Variants in PPP1R18 observed in about 807,000 individuals in gnomAD.
The protein encoded by PPP1R18 is protein phosphatase 1 regulatory subunit 18, also known as phostensin.
Under a neutral mutation model 54.8 loss-of-function variants are expected in PPP1R18, and 31 were observed. The ratio of observed to expected loss-of-function variants is 0.57; its 90% confidence interval spans 0.43 to 0.76. The LOEUF is 0.76. PPP1R18 is among the 30% of genes least tolerant of loss of function. PPP1R18 has a pLI of 0.00. For missense variants in PPP1R18, 685 were observed against 776.1 expected, an observed-to-expected ratio of 0.88 and a Z score of 1.39; for synonymous variants, 310 against 320.2, an observed-to-expected ratio of 0.97 and a Z score of 0.34.
intron 1 of PPP1R18, among the ~76,000 whole-genome samples, chr6:30,682,079 A>T (rs941509584): frequency 6.6e-6 from 1 of 152,172 alleles, no homozygotes; most frequent in South Asian, 2.1e-4. Flanking sequence ...TTTTGGAATA[A>T]TAACCTCTGT....
Position 30,686,477 on chromosome 6 carries a change from A to T in PPP1R18, c.-459T>A. The T allele has an allele frequency of 5.9e-6, 1 of 169,024 alleles. No homozygotes were observed. Among genetic ancestry groups the T allele is most frequent in the Non-Finnish European group, 1.3e-5 (1 of 79,178 alleles). 10.5% of individuals were successfully genotyped at this position (169,024 alleles called of 1,614,324 possible). On this transcript the variant is annotated 5_prime_UTR_variant, in exon 1 of 3. Coordinates refer to ENST00000274853, the MANE Select transcript of PPP1R18 (RefSeq NM_133471.4). ...GCCTCAGCGATACCCCAGGGAGGCT[A>T]GTGTGGGAAGGAAGGACCAGGAATC...
At chr6:30,679,056 G>A in intron 2 of PPP1R18, 123 bp downstream of exon 2, 1 of 685,882 alleles carries the variant, frequency 1.5e-6, no homozygotes. Flanking sequence ...GGAGCATGTT[G>A]AACCAGAGGA....
Position 30,684,605 on chromosome 6 carries a change from A to G in PPP1R18, c.1414T>C (p.Phe472Leu). The G allele has an allele frequency of 6.3e-7, 1 of 1,585,120 alleles. No homozygotes were observed. Among genetic ancestry groups the G allele is most frequent in the East Asian group, 2.3e-5 (1 of 44,278 alleles). The change falls in exon 1 of 3, where the codon TTC becomes CTC. Residue 472 changes from phenylalanine to leucine, a missense_variant. Transcript: ENST00000274853. This position sits in a 1 kb window ranked among gnomAD's most constrained non-coding sequence, Gnocchi z 6.0. ...VGAPRRSGHT[F>L]TVNPRRSVPP... ...ACAGACCGCCGGGGGTTGACGGTGA[A>G]GGTGTGTCCACTGCGGCGGGGGGCC... is the stretch of plus-strand genomic sequence containing the variant.
At chr6:30,678,208 G>C (rs1034001119) in intron 2 of PPP1R18, among the ~76,000 whole-genome samples, 1 of 150,710 alleles carries the variant, frequency 6.6e-6, no homozygotes, top group Non-Finnish European at 1.5e-5. Context: ...ACCGTGCCTG[G>C]CCTGTTTGTT....
chr6:30,679,118 G>A, intron 2 of PPP1R18, 61 bp downstream of exon 2: 1 of 1,460,828 alleles, frequency 6.8e-7, no homozygotes, highest in Non-Finnish European at 9.4e-7. Flanking sequence ...CCTCTCTCCT[G>A]GACCACAGCG....
At chr6:30,678,035 C>T (rs150423802) in intron 2 of PPP1R18, among the ~76,000 whole-genome samples, 1 of 151,692 alleles carries the variant, frequency 6.6e-6, no homozygotes, top group Admixed American at 6.6e-5. Flanking sequence ...CTCAGACTCC[C>T]GAGTAGCAGG....
rs1393158564 is a variant in PPP1R18 at position 30,676,622 on chromosome 6, T to C, written c.*647A>G. 6.2e-6 allele frequency: 1 copy of C among 161,182 alleles called. No individual in the cohort carries two copies. Among genetic ancestry groups the C allele is most frequent in the Non-Finnish European group, 1.3e-5 (1 of 74,126 alleles). 10.0% of individuals were successfully genotyped at this position (161,182 alleles called of 1,614,324 possible). A position where few individuals can be genotyped will look rare whatever the true frequency, so the allele number is the denominator to read the frequency against. On this transcript the variant is annotated 3_prime_UTR_variant, in exon 3 of 3. Transcript: ENST00000274853. ...CTTGGGGAAAACTAAGGCAAAGTAA[T>C]ACTGAGAAAAAGTGGAGGAAGCCAC...
chr6:30,679,071 C>T (rs1770370252), intron 2 of PPP1R18, 108 bp downstream of exon 2: 1 of 849,528 alleles, frequency 1.2e-6, no homozygotes, highest in South Asian at 1.7e-5. Flanking sequence ...AGAGGACCCG[C>T]CAAGCCCCTT....
rs773102586 is a variant in PPP1R18, at chr6:30,686,051, G to A, written c.-33C>T. On this transcript the variant is annotated 5_prime_UTR_variant, in exon 1 of 3. Coordinates refer to ENST00000274853, the MANE Select transcript of PPP1R18 (RefSeq NM_133471.4). ...TTGAGGTGAGGGTAGGGAGCACTGG[G>A]GACAGAGAACAGGAAGGAGAGGCTC... is the stretch of plus-strand genomic sequence containing the variant. 12 of 1,520,158 alleles carry A rather than the reference G, an allele frequency of 7.9e-6. No individual in the cohort carries two copies. In the Admixed American group the frequency reaches 1.7e-4, roughly 21 times the overall value. The allele number at this position is 1,520,158 out of a possible 1,614,324, so 94.2% of individuals were successfully genotyped here. A position where few individuals can be genotyped will look rare whatever the true frequency, so the allele number is the denominator to read the frequency against.
At chr6:30,679,140 A>G (rs1395057657) in intron 2 of PPP1R18, 39 bp downstream of exon 2, 1 of 1,565,220 alleles carries the variant, frequency 6.4e-7, no homozygotes. Context: ...CCGCTCTGAC[A>G]GCAGGGGGCG....
Position 30,685,407 on chromosome 6 carries a change from C to G in PPP1R18, c.612G>C (p.Leu204=), listed in dbSNP as rs1435628254. 26 of 1,612,990 alleles carry G rather than the reference C, an allele frequency of 1.6e-5. No individual in the cohort carries two copies. The highest frequency in any genetic ancestry group is 2.2e-5 in the Non-Finnish European group (26 of 1,180,046). Residue 204 remains leucine, a synonymous_variant, in exon 1 of 3, where the codon CTG becomes CTC. Transcript: ENST00000274853. The surrounding 1 kb of genome is among the most constrained non-coding windows in gnomAD (Gnocchi z 5.0). ...LSPGETPERS[L]RLAESREQSP... is the part of the protein sequence containing the mutation. ...TTTGCTCTCGAGACTCTGCTAGTCT[C>G]AGACTCCGCTCTGGAGTTTCTCCAG...
chr6:30,684,456 G>A lies in PPP1R18; in HGVS notation c.1563C>T (p.Leu521=). The A allele has an allele frequency of 1.9e-6, 3 of 1,601,774 alleles. No individual in the cohort carries two copies. The highest frequency in any genetic ancestry group is 2.6e-6 in the Non-Finnish European group (3 of 1,173,152). Residue 521 remains leucine, a synonymous_variant, in exon 1 of 3, where the codon CTC becomes CTT. Transcript: ENST00000274853. This position sits in a 1 kb window ranked among gnomAD's most constrained non-coding sequence, Gnocchi z 6.0. ...ACCCCTTGGCAAGGCAGCTGCGGCT[G>A]AGACGGAGGTAGCCCCCCAGAACCA... ...EILVLGGYLR[L]SRSCLAKGSP...
intron 1 of PPP1R18, among the ~76,000 whole-genome samples, chr6:30,682,307 C>T (rs1770592176): frequency 6.6e-6 from 1 of 152,134 alleles, no homozygotes; most frequent in Non-Finnish European, 1.5e-5. Context: ...GGTCTCTCAG[C>T]CCAACCAAGA....
chr6:30,687,648 G>C (rs1167966380), upstream of PPP1R18: 2 of 152,420 alleles, frequency 1.3e-5, no homozygotes, highest in African/African-American at 4.8e-5. The surrounding 1 kb of genome is among the most constrained non-coding windows in gnomAD (Gnocchi z 7.9). Flanking sequence ...ATCTGGGTCT[G>C]TAGGTCCAGC....
chr6:30,684,479 C>A lies in PPP1R18; in HGVS notation c.1540G>T (p.Val514Phe). The A allele has an allele frequency of 6.2e-7, 1 of 1,611,232 alleles. No homozygotes were observed. Among genetic ancestry groups the A allele is most frequent in the Non-Finnish European group, 8.5e-7 (1 of 1,179,010 alleles). Residue 514 changes from valine (V) to phenylalanine (F), a missense_variant, in exon 1 of 3, where the codon GTT (valine) becomes TTT (phenylalanine). Val to Phe is a conservative substitution (Grantham distance 50). Transcript: ENST00000274853. This position sits in a 1 kb window ranked among gnomAD's most constrained non-coding sequence, Gnocchi z 6.0. ...KRYPTAEEIL[V>F]LGGYLRLSRS... ...CTGAGACGGAGGTAGCCCCCCAGAA[C>A]CAAGATCTCCTCGGCAGTTGGGTAC...
chr6:30,686,066 A>C lies in PPP1R18; in HGVS notation c.-48T>G. 1 of 1,507,716 alleles carries C rather than the reference A, an allele frequency of 6.6e-7. No individual in the cohort carries two copies. Among genetic ancestry groups the C allele is most frequent in the Non-Finnish European group, 8.8e-7 (1 of 1,135,986 alleles). The allele number at this position is 1,507,716 out of a possible 1,614,324, so 93.4% of individuals were successfully genotyped here. Reference sequence around the variant, plus strand: ...GGAGCACTGGGGACAGAGAACAGGAAGGAGAGGCTCCAGAGAGTGAGACAG... The same window carrying C: ...GGAGCACTGGGGACAGAGAACAGGACGGAGAGGCTCCAGAGAGTGAGACAG... On this transcript the variant is annotated 5_prime_UTR_variant, in exon 1 of 3. Transcript: ENST00000274853.
Position 30,679,303 on chromosome 6 carries a change from C to T in PPP1R18, c.1698G>A (p.Glu566=). The T allele has an allele frequency of 1.3e-6, 2 of 1,547,040 alleles. No homozygotes were observed. The highest frequency in any genetic ancestry group is 8.7e-7 in the Non-Finnish European group (1 of 1,145,962). The change falls in exon 2 of 3, where the codon GAG becomes GAA. Residue 566 remains glutamate (E), a synonymous_variant. Transcript: ENST00000274853. ...ESSVLEELGP[E]PEVPSAPNPP... The stretch of plus-strand genomic sequence containing the variant: ...GGTTGGGGGCACTGGGGACCTCAGG[C>T]TCCGGGCCCAGCTCCTCCAGTACCG...
intron 2 of PPP1R18, 124 bp from the exon 3 acceptor site, chr6:30,677,412 C>T: frequency 1.3e-6 from 1 of 745,754 alleles, no homozygotes; most frequent in Non-Finnish European, 2.2e-6. Flanking sequence ...TCTTCCATAT[C>T]TAAAGCATGT....
At chr6:30,678,148 T>A (rs763352037) in intron 2 of PPP1R18, among the ~76,000 whole-genome samples, 7 of 152,046 alleles carry the variant, frequency 4.6e-5, no homozygotes, top group Non-Finnish European at 8.8e-5. Context: ...TGACCTTGAG[T>A]GATCCACCTG....
Sources: allele counts gnomAD v4.1 joint callset (sites outside exome capture counted in the v4.1 genomes callset), GRCh38; gene constraint gnomAD v4.1.1; non-coding constraint Gnocchi (gnomAD v3.1); transcripts MANE v1.5; gene names NCBI Gene and HGNC (gene_info 2026-07-23, HGNC 2026-07-21).